Variants in ST6GAL1 observed in about 807,000 individuals in gnomAD.
The protein encoded by ST6GAL1 is beta-galactoside alpha-2,6-sialyltransferase 1.
A neutral mutation model predicts 38.0 loss-of-function variants in ST6GAL1; 20 were observed. That is an observed-to-expected ratio of 0.53 (90% confidence interval 0.37 to 0.77). The LOEUF (loss-of-function observed/expected upper bound fraction) is 0.77, where lower values mean the gene tolerates loss of function less well. Ranked by LOEUF, ST6GAL1 falls within the 30% of genes least tolerant of loss-of-function variation. ST6GAL1 has a pLI of 0.00. For synonymous variants in ST6GAL1, 196 were observed against 188.2 expected, an observed-to-expected ratio of 1.04 and a Z score of -0.34; for missense variants, 432 against 496.4, an observed-to-expected ratio of 0.87 and a Z score of 1.23.
intron 7 of ST6GAL1, among the ~76,000 whole-genome samples, chr3:187,074,766 C>T (rs935957841): frequency 2.6e-5 from 4 of 152,024 alleles, no homozygotes; most frequent in African/African-American, 9.7e-5. Flanking sequence ...GGGGCTGCAC[C>T]TCAGACGAGG....
intron 2 of ST6GAL1, among the ~76,000 whole-genome samples, chr3:187,028,389 T>A (rs1243074078): frequency 1.3e-5 from 2 of 152,348 alleles, no homozygotes; most frequent in Non-Finnish European, 2.9e-5. Context: ...TATCACTGTC[T>A]AAGAAGAAAG....
chr3:187,066,601 CGTGTGTGTGTGTGT>C (rs3055152), intron 5 of ST6GAL1, among the ~76,000 whole-genome samples: 3 of 148,730 alleles, frequency 2.0e-5, no homozygotes, highest in African/African-American at 5.0e-5. Flanking sequence ...TGCGTGCGTG[CGTGTGTGTGTGTGT>C]GTGTGTGTGT....
chr3:187,075,517 TG>T lies in ST6GAL1; in HGVS notation c.980-41del. Reference sequence around the variant, plus strand: ...CCCACTGGGCAGAGCTCTGGGGTGCTGGGGTGGGTTGTCAGGCATGACTCAC... The same window carrying T: ...CCCACTGGGCAGAGCTCTGGGGTGCTGGGTGGGTTGTCAGGCATGACTCAC... On this transcript the variant is annotated intron_variant, in intron 7 of 7. Coordinates refer to ENST00000169298, the MANE Select transcript of ST6GAL1 (RefSeq NM_173216.2). The surrounding 1 kb of genome is among the most constrained non-coding windows in gnomAD (Gnocchi z 4.1). 2 of 1,604,118 alleles carry T rather than the reference TG, an allele frequency of 1.2e-6. No homozygotes were observed. The highest frequency in any genetic ancestry group is 1.7e-6 in the Non-Finnish European group (2 of 1,173,060).
intron 1 of ST6GAL1, among the ~76,000 whole-genome samples, chr3:186,939,908 C>T (rs979997877): frequency 4.6e-5 from 7 of 152,218 alleles, no homozygotes; most frequent in African/African-American, 1.7e-4. Context: ...GGCCCTCTCT[C>T]ACACCCCATC....
At chr3:187,033,609 C>G (rs1005415620) in intron 2 of ST6GAL1, among the ~76,000 whole-genome samples, 2 of 152,060 alleles carry the variant, frequency 1.3e-5, no homozygotes, top group African/African-American at 2.4e-5. Flanking sequence ...TAAGTATTTT[C>G]TCCCCTATTA....
chr3:187,073,949 A>G, intron 6 of ST6GAL1: 1 of 407,382 alleles, frequency 2.5e-6, no homozygotes, highest in Non-Finnish European at 4.3e-6. Context: ...CCCCCAAAGC[A>G]CAGGCTATAG....
intron 5 of ST6GAL1, among the ~76,000 whole-genome samples, chr3:187,066,060 A>G: frequency 6.6e-6 from 1 of 151,208 alleles, no homozygotes; most frequent in East Asian, 2.0e-4. Context: ...AAAGACAGGT[A>G]TCTGGATGGG....
chr3:186,977,673 G>A (rs1048800499), intron 2 of ST6GAL1, among the ~76,000 whole-genome samples: 5 of 152,278 alleles, frequency 3.3e-5, no homozygotes, highest in Admixed American at 2.0e-4. Flanking sequence ...GAGCGCCTCA[G>A]GAGGGCTAAT....
At chr3:187,062,216 C>T (rs954190891) in intron 5 of ST6GAL1, among the ~76,000 whole-genome samples, 12 of 152,138 alleles carry the variant, frequency 7.9e-5, no homozygotes, top group African/African-American at 2.9e-4. Flanking sequence ...AAATCGGAAT[C>T]CGTGGGCACT....
chr3:187,078,325 T>C lies in ST6GAL1; in HGVS notation c.*2522T>C, dbSNP rs1719630067. 1 of 152,312 alleles carries C rather than the reference T, an allele frequency of 6.6e-6. No homozygotes were observed. Among genetic ancestry groups the C allele is most frequent in the Admixed American group, 6.5e-5 (1 of 15,286 alleles). The allele number at this position is 152,312 out of a possible 1,614,324, so 9.4% of individuals were successfully genotyped here. ...TGAGATGTTTCATATTTGTGACAGT[T>C]AATTTAAAAATTATGAGTTAATGCT... On this transcript the variant is annotated 3_prime_UTR_variant, in exon 8 of 8. Coordinates refer to ENST00000169298, the MANE Select transcript of ST6GAL1 (RefSeq NM_173216.2).
chr3:187,008,373 AAAGGAAGG>A (rs550824324), intron 2 of ST6GAL1, among the ~76,000 whole-genome samples: 3 of 130,512 alleles, frequency 2.3e-5, no homozygotes, highest in Admixed American at 7.5e-5. Flanking sequence ...AGAGAAAAGG[AAAGGAAGG>A]AAGGAAGGAA....
intron 1 of ST6GAL1, among the ~76,000 whole-genome samples, chr3:186,938,628 C>T (rs1190546593): frequency 6.6e-6 from 1 of 152,050 alleles, no homozygotes; most frequent in Non-Finnish European, 1.5e-5. Flanking sequence ...ATGGAAACCC[C>T]CACCAAGTGA....
At chr3:187,047,553 C>T (rs6784233) in intron 4 of ST6GAL1, among the ~76,000 whole-genome samples, 33,418 of 151,946 alleles carry the variant, frequency 0.22, 5,055 homozygotes, top group African/African-American at 0.43. Flanking sequence ...TTTTTCTTCT[C>T]CTAATTTGCC....
At chr3:187,053,351 T>G (rs1718580108) in intron 5 of ST6GAL1, among the ~76,000 whole-genome samples, 1 of 152,244 alleles carries the variant, frequency 6.6e-6, no homozygotes, top group Non-Finnish European at 1.5e-5. Context: ...GCTTTTGGTG[T>G]TTTAGTCATG....
At chr3:186,984,753 TCCCTCCCTCCC>T (rs1276789737) in intron 2 of ST6GAL1, among the ~76,000 whole-genome samples, 2,070 of 32,774 alleles carry the variant, frequency 0.063, 11 homozygotes, top group Middle Eastern at 0.077. Context: ...CCTCCCTCCC[TCCCTCCCTCCC>T]TCCTTCCTTC....
chr3:186,999,416 T>C (rs1259776604), intron 2 of ST6GAL1, among the ~76,000 whole-genome samples: 10 of 149,280 alleles, frequency 6.7e-5, no homozygotes, highest in South Asian at 2.2e-4. Context: ...ATAATCTCTT[T>C]TTTTTTTTTT....
At chr3:187,050,978 C>T (rs1316388665) in intron 4 of ST6GAL1, among the ~76,000 whole-genome samples, 3 of 152,158 alleles carry the variant, frequency 2.0e-5, no homozygotes, top group Non-Finnish European at 4.4e-5. Flanking sequence ...TTCTGTGTGC[C>T]CAGGCACAAG....
At chr3:186,985,515 C>T (rs1474938547) in intron 2 of ST6GAL1, among the ~76,000 whole-genome samples, 1 of 151,520 alleles carries the variant, frequency 6.6e-6, no homozygotes, top group Non-Finnish European at 1.5e-5. Context: ...TAGGCACTCC[C>T]AGCACTTTGG....
At chr3:186,943,932 C>T (rs1714268785) in intron 1 of ST6GAL1, among the ~76,000 whole-genome samples, 1 of 152,254 alleles carries the variant, frequency 6.6e-6, no homozygotes, top group South Asian at 2.1e-4. Flanking sequence ...GGCTTGCTGG[C>T]TAAGACGATT....
Sources: gnomAD v4.1 joint callset for allele counts (sites outside exome capture counted in the v4.1 genomes callset) on GRCh38, gnomAD v4.1.1 for gene constraint, Gnocchi (gnomAD v3.1) non-coding constraint, MANE v1.5 for transcripts, NCBI Gene and HGNC (gene_info 2026-07-23, HGNC 2026-07-21) for gene names.